GUCY2F: variants seen among roughly 807,000 people sequenced by gnomAD.
GUCY2F encodes guanylate cyclase 2F, retinal.
In GUCY2F, 61 loss-of-function variants were observed where a neutral mutation model predicts 73.1. That is an observed-to-expected ratio of 0.83 (90% CI 0.68 to 1.03). The LOEUF (loss-of-function observed/expected upper bound fraction) is 1.03, where lower values mean the gene tolerates loss of function less well. Ranked by LOEUF, GUCY2F falls within the 50% of genes least tolerant of loss-of-function variation. GUCY2F has a pLI of 0.00. For synonymous variants in GUCY2F, 331 were observed against 307.8 expected (o/e 1.08, Z -0.79); for missense variants, 912 against 854.3 (o/e 1.07, Z -0.84).
chrX:109,447,508 G>A (rs1157485566), intron 6 of GUCY2F, among the ~76,000 whole-genome samples: 2 of 108,093 alleles, frequency 1.9e-5, no homozygotes, highest in Non-Finnish European at 3.8e-5. Flanking sequence ...CATCATTCTC[G>A]GCAAACTATC....
At chrX:109,442,472 T>C (rs940749718) in intron 6 of GUCY2F, among the ~76,000 whole-genome samples, 4 of 111,830 alleles carry the variant, frequency 3.6e-5, no homozygotes, top group African/African-American at 1.3e-4. Context: ...TTATATTTTC[T>C]AGTCCTGTGC....
chrX:109,385,049 T>G (rs937254393), intron 16 of GUCY2F, 135 bp downstream of exon 16: 12 of 395,146 alleles, frequency 3.0e-5, no homozygotes, highest in African/African-American at 2.9e-4. Flanking sequence ...ATCTTAATCT[T>G]CTCAAATTAT....
At position 109,426,833 on chromosome X, in the gene GUCY2F, T is replaced by G. The variant is rs767903433; in HGVS notation, c.1791+3474A>C. 3.6e-5 allele frequency among the ~76,000 whole-genome samples: 4 copies of G among 112,383 alleles called. No homozygotes were observed. The South Asian group carries it at 1.1e-3, about 31-fold the overall frequency. On this transcript the variant is annotated intron_variant, in intron 8 of 19. Transcript: ENST00000218006. ...GAATGAAATAGTCAAGATATATAGT[T>G]GTCCACAGTCCATGTCCAATTGATG... is the stretch of plus-strand genomic sequence containing the variant.
chrX:109,444,520 C>A (rs1361807279), intron 6 of GUCY2F, among the ~76,000 whole-genome samples: 2 of 111,846 alleles, frequency 1.8e-5, no homozygotes, highest in East Asian at 5.6e-4. Context: ...AAATTACAGT[C>A]TAGTGTCTTT....
chrX:109,469,934 T>C (rs941064429), intron 2 of GUCY2F, among the ~76,000 whole-genome samples: 1 of 111,706 alleles, frequency 9.0e-6, no homozygotes, highest in African/African-American at 3.3e-5. Flanking sequence ...CAGCTAAGGA[T>C]ACCCCACACG....
chrX:109,475,389 A>G lies in GUCY2F; in HGVS notation c.548T>C (p.Phe183Ser). 8.3e-7 allele frequency: 1 copy of G among 1,210,942 alleles called. No homozygotes were observed. Among genetic ancestry groups the G allele is most frequent in the Non-Finnish European group, 1.1e-6 (1 of 894,620 alleles). The change falls in exon 2 of 20, where the codon TTC (phenylalanine) becomes TCC (serine). Residue 183 changes from phenylalanine to serine, a missense_variant. Transcript: ENST00000218006. ...IRVLVTVMKY[F>S]QWAHAGVISS... ...AATGACTCCAGCATGAGCCCACTGG[A>G]AATATTTCATGACAGTTACAAGCAC...
At chrX:109,473,316 T>G (rs1218661780) in intron 2 of GUCY2F, among the ~76,000 whole-genome samples, 1 of 111,914 alleles carries the variant, frequency 8.9e-6, no homozygotes, top group African/African-American at 3.2e-5. Context: ...TGAGCAGATC[T>G]GTACTGTAAT....
intron 11 of GUCY2F, among the ~76,000 whole-genome samples, chrX:109,396,997 A>G (rs1048828152): frequency 8.9e-6 from 1 of 112,268 alleles, no homozygotes; most frequent in Non-Finnish European, 1.9e-5. Context: ...TCACAGTCCA[A>G]TTGCAATAAA....
intron 6 of GUCY2F, among the ~76,000 whole-genome samples, chrX:109,444,950 A>G (rs1032334359): frequency 9.0e-6 from 1 of 111,705 alleles, no homozygotes; most frequent in Non-Finnish European, 1.9e-5. Flanking sequence ...AATAAACCCT[A>G]TCATTCCTTC....
chrX:109,415,958 A>T (rs1931228573), intron 8 of GUCY2F, among the ~76,000 whole-genome samples: 1 of 112,070 alleles, frequency 8.9e-6, no homozygotes. Flanking sequence ...TGAATCAAAT[A>T]TTCTAAAAAC....
rs539109461 is a variant in GUCY2F, at chrX:109,431,699, G to GAA, written c.1702-1305_1702-1304dup. Among the ~76,000 whole-genome samples the GAA allele has an allele frequency of 1.8e-3, 147 of 81,916 alleles. 1 individual carries two copies. Among genetic ancestry groups the GAA allele is most frequent in the South Asian group, 3.3e-3 (5 of 1,537 alleles). 71.1% of individuals were successfully genotyped at this position (81,916 alleles called of 115,157 possible). A position where few individuals can be genotyped will look rare whatever the true frequency, so the allele number is the denominator to read the frequency against. ...GAGCGACAGAGCTAGACTCTGTCTG[G>GAA]AAAAAAAAAAAAAAAAGAGTGTAAC... On this transcript the variant is annotated intron_variant, in intron 7 of 19. Coordinates refer to ENST00000218006, the MANE Select transcript of GUCY2F (RefSeq NM_001522.3).
rs1257876805 is a variant in GUCY2F, at chrX:109,376,097, G to A, written c.3221C>T (p.Pro1074Leu). Residue 1074 changes from proline to leucine, a missense_variant, in exon 18 of 20, where the codon CCA becomes CTA. Pro to Leu is a moderately conservative substitution (Grantham distance 98, BLOSUM62 -3). Transcript: ENST00000218006. ...CACTTACCCATCTTTGTCCACTGGT[G>A]GGGGCACAGGAAGGGGCTTCATGAA... Reference protein sequence around the residue: ...KGFMKPLPVPPPVDKDGQVGH... With the variant: ...KGFMKPLPVPLPVDKDGQVGH... 1.7e-6 allele frequency: 2 copies of A among 1,201,136 alleles called. No individual in the cohort carries two copies. Among genetic ancestry groups the A allele is most frequent in the East Asian group, 3.0e-5 (1 of 33,801 alleles).
intron 3 of GUCY2F, among the ~76,000 whole-genome samples, chrX:109,454,752 C>T (rs1254592436): frequency 9.0e-6 from 1 of 111,028 alleles, no homozygotes; most frequent in Non-Finnish European, 1.9e-5. Context: ...CAAACAATTC[C>T]TCCCTTCTCT....
Position 109,414,947 on chromosome X carries a change from A to G in GUCY2F, c.1792-5779T>C, listed in dbSNP as rs1318899427. On this transcript the variant is annotated intron_variant, in intron 8 of 19. Transcript: ENST00000218006. ...TGAAGAGACAGGGAAGAGCCAGATTATACAGAATCTAATAGGTCATTTTAA... is the reference window on the plus strand; with the variant it reads ...TGAAGAGACAGGGAAGAGCCAGATTGTACAGAATCTAATAGGTCATTTTAA... Among the ~76,000 whole-genome samples the G allele has an allele frequency of 2.7e-5, 3 of 111,703 alleles. No individual in the cohort carries two copies. The East Asian group carries it at 8.4e-4, about 31-fold the overall frequency.
rs781412853 is a variant in GUCY2F, at chrX:109,395,437, A to G, written c.2328T>C (p.Pro776=). The G allele has an allele frequency of 1.7e-6, 2 of 1,197,191 alleles. No individual in the cohort carries two copies. The highest frequency in any genetic ancestry group is 2.3e-6 in the Non-Finnish European group (2 of 882,082). Residue 776 remains proline (P), a synonymous_variant, in exon 12 of 20, where the codon CCT becomes CCC. Coordinates refer to ENST00000218006, the MANE Select transcript of GUCY2F (RefSeq NM_001522.3). The part of the protein sequence containing the change: ...KPPPVYRPVV[P]PEHAPPECLQ... Reference sequence around the variant, plus strand: ...GACATTCTGGAGGGGCATGCTCAGGAGGAACTACTGGTCTGTACACAGGAG... The same window carrying G: ...GACATTCTGGAGGGGCATGCTCAGGGGGAACTACTGGTCTGTACACAGGAG...
chrX:109,419,063 A>G (rs937499481), intron 8 of GUCY2F, among the ~76,000 whole-genome samples: 4 of 110,682 alleles, frequency 3.6e-5, no homozygotes, highest in African/African-American at 1.3e-4. Flanking sequence ...TAAGAGCCCT[A>G]TATTTAGCAA....
chrX:109,406,760 T>C (rs1930981871), intron 9 of GUCY2F, among the ~76,000 whole-genome samples: 1 of 111,399 alleles, frequency 9.0e-6, no homozygotes, highest in Admixed American at 9.5e-5. Context: ...TGAATAAGTC[T>C]CACGAGATCT....
chrX:109,451,277 T>C (rs767566118), intron 5 of GUCY2F, among the ~76,000 whole-genome samples: 10 of 112,080 alleles, frequency 8.9e-5, no homozygotes, highest in African/African-American at 2.6e-4. Flanking sequence ...TATTTGATCA[T>C]GTACTAAGGG....
Position 109,412,245 on chromosome X carries a change from G to A in GUCY2F, c.1792-3077C>T, listed in dbSNP as rs761033434. 1.7e-4 allele frequency among the ~76,000 whole-genome samples: 19 copies of A among 112,009 alleles called. 1 individual carries two copies. Among genetic ancestry groups the A allele is most frequent in the African/African-American group, 6.1e-4 (19 of 30,895 alleles). On this transcript the variant is annotated intron_variant, in intron 8 of 19. Transcript: ENST00000218006. Reference sequence around the variant, plus strand: ...AGCTATAAATCACGTGACTTCTTGTGTGGGGAGGGGAGGAAAGAATGAAAT... The same window carrying A: ...AGCTATAAATCACGTGACTTCTTGTATGGGGAGGGGAGGAAAGAATGAAAT...
Sources: gnomAD v4.1 joint callset for allele counts (sites outside exome capture counted in the v4.1 genomes callset) on GRCh38, gnomAD v4.1.1 for gene constraint, MANE v1.5 for transcripts, NCBI Gene and HGNC (gene_info 2026-07-23, HGNC 2026-07-21) for gene names.